The following KCNQ3 variants were observed in gnomAD, a reference collection of about 807,000 sequenced individuals.
KCNQ3 encodes potassium voltage-gated channel subfamily Q member 3.
Under a neutral mutation model 92.5 loss-of-function variants are expected in KCNQ3, and 30 were observed. The observed-to-expected ratio is 0.32, with a 90% CI of 0.24 to 0.44. KCNQ3 has a LOEUF of 0.44. KCNQ3 is among the 20% of genes least tolerant of loss of function. The pLI is 1.00. For missense variants in KCNQ3, 913 were observed against 1,140.3 expected (o/e 0.80, Z 2.87); for synonymous variants, 450 against 468.8 (o/e 0.96, Z 0.52).
intron 1 of KCNQ3, among the ~76,000 whole-genome samples, chr8:132,239,649 T>A (rs1197079706): frequency 6.6e-6 from 1 of 152,194 alleles, no homozygotes; most frequent in Non-Finnish European, 1.5e-5. Flanking sequence ...TCCAGTGAAA[T>A]GTGACATTTA....
At chr8:132,443,247 C>T (rs983807427) in intron 1 of KCNQ3, among the ~76,000 whole-genome samples, 1 of 152,146 alleles carries the variant, frequency 6.6e-6, no homozygotes, top group African/African-American at 2.4e-5. Flanking sequence ...ACACCCCTCC[C>T]CATCCCTTCC....
chr8:132,478,929 G>A (rs1427635795), intron 1 of KCNQ3, among the ~76,000 whole-genome samples: 1 of 151,268 alleles, frequency 6.6e-6, no homozygotes, highest in Admixed American at 6.6e-5. Context: ...GGGTGAATTG[G>A]AGGAGAATAG....
At chr8:132,345,271 C>T (rs1818652249) in intron 1 of KCNQ3, among the ~76,000 whole-genome samples, 1 of 152,212 alleles carries the variant, frequency 6.6e-6, no homozygotes, top group Non-Finnish European at 1.5e-5. Flanking sequence ...CACACCCATC[C>T]TGCCTTCCTT....
intron 1 of KCNQ3, among the ~76,000 whole-genome samples, chr8:132,244,830 C>G (rs1018635812): frequency 1.1e-4 from 16 of 150,366 alleles, no homozygotes; most frequent in Non-Finnish European, 4.4e-5. Context: ...TTACTGGCAG[C>G]TCTGGAGCCT....
At chr8:132,312,709 G>C (rs1202223031) in intron 1 of KCNQ3, among the ~76,000 whole-genome samples, 1 of 152,116 alleles carries the variant, frequency 6.6e-6, no homozygotes, top group Non-Finnish European at 1.5e-5. Flanking sequence ...AGATCTGATG[G>C]TTTTGTAAAT....
At chr8:132,458,003 G>C (rs1223572108) in intron 1 of KCNQ3, among the ~76,000 whole-genome samples, 1 of 152,148 alleles carries the variant, frequency 6.6e-6, no homozygotes, top group Admixed American at 6.5e-5. Context: ...TCCAGACGAT[G>C]AGGTCTTTGA....
chr8:132,352,881 C>G (rs1209721132), intron 1 of KCNQ3, among the ~76,000 whole-genome samples: 1 of 152,120 alleles, frequency 6.6e-6, no homozygotes, highest in South Asian at 2.1e-4. Flanking sequence ...GCCCTGACCC[C>G]AGTTCCACAC....
rs1563775830 is a variant in KCNQ3, at chr8:132,154,192, A to ATTTTTTTTTTTTTTTT, written c.1262+9275_1262+9276insAAAAAAAAAAAAAAAA. Among the ~76,000 whole-genome samples the ATTTTTTTTTTTTTTTT allele has an allele frequency of 3.3e-3, 346 of 104,438 alleles. 11 individuals carry two copies. The highest frequency in any genetic ancestry group is 7.5e-3 in the African/African-American group (227 of 30,302). 68.5% of individuals were successfully genotyped at this position (104,438 alleles called of 152,430 possible). A position where few individuals can be genotyped will look rare whatever the true frequency, so the allele number is the denominator to read the frequency against. On this transcript the variant is annotated intron_variant, in intron 9 of 14. Coordinates refer to ENST00000388996, the MANE Select transcript of KCNQ3 (RefSeq NM_004519.4). ...CCTGATGTACCATCAAAAGGGTAAA[A>ATTTTTTTTTTTTTTTT]GTTTTTTTTTTTTTTTTTTTTTTTT...
chr8:132,130,334 C>T (rs1339053696), intron 14 of KCNQ3, among the ~76,000 whole-genome samples: 2 of 152,110 alleles, frequency 1.3e-5, no homozygotes, highest in African/African-American at 4.8e-5. Context: ...GCCTTGGCCT[C>T]CCAAAATGCT....
At chr8:132,399,972 A>G (rs1053032990) in intron 1 of KCNQ3, among the ~76,000 whole-genome samples, 1 of 152,190 alleles carries the variant, frequency 6.6e-6, no homozygotes. Flanking sequence ...CTGGCTCCCA[A>G]TCCTGGACAA....
At chr8:132,309,487 A>G (rs567619982) in intron 1 of KCNQ3, among the ~76,000 whole-genome samples, 1 of 152,264 alleles carries the variant, frequency 6.6e-6, no homozygotes, top group South Asian at 2.1e-4. Context: ...ACTGGAAGAT[A>G]TATGTGAGCT....
intron 1 of KCNQ3, among the ~76,000 whole-genome samples, chr8:132,446,226 C>A (rs1014621849): frequency 1.3e-5 from 2 of 152,166 alleles, no homozygotes; most frequent in Non-Finnish European, 2.9e-5. Context: ...GATCCACCAA[C>A]CTTAAGCTAC....
intron 1 of KCNQ3, among the ~76,000 whole-genome samples, chr8:132,255,362 A>T (rs1203144817): frequency 1.3e-5 from 2 of 152,218 alleles, no homozygotes; most frequent in Admixed American, 1.3e-4. Context: ...TGTTGAAAAC[A>T]AGCAGTGGCA....
intron 1 of KCNQ3, among the ~76,000 whole-genome samples, chr8:132,361,237 G>C (rs1819160386): frequency 6.6e-6 from 1 of 152,134 alleles, no homozygotes; most frequent in South Asian, 2.1e-4. Context: ...TTGTTTATAA[G>C]TGGAGCTGCA....
At chr8:132,157,690 T>C (rs1225881139) in intron 9 of KCNQ3, among the ~76,000 whole-genome samples, 1 of 152,192 alleles carries the variant, frequency 6.6e-6, no homozygotes, top group Non-Finnish European at 1.5e-5. Context: ...CTTTAAGTTA[T>C]GGGATACATG....
chr8:132,415,624 G>A (rs939713398), intron 1 of KCNQ3, among the ~76,000 whole-genome samples: 14 of 152,186 alleles, frequency 9.2e-5, no homozygotes, highest in Non-Finnish European at 1.5e-4. Context: ...CTCTGACTAC[G>A]AATGTCTCAA....
chr8:132,348,502 C>T (rs1319648566), intron 1 of KCNQ3, among the ~76,000 whole-genome samples: 1 of 152,214 alleles, frequency 6.6e-6, no homozygotes, highest in African/African-American at 2.4e-5. Flanking sequence ...TACATCTGTG[C>T]ACCACTATGG....
intron 1 of KCNQ3, among the ~76,000 whole-genome samples, chr8:132,312,865 G>T (rs550090040): frequency 6.6e-6 from 1 of 152,220 alleles, no homozygotes; most frequent in South Asian, 2.1e-4. Context: ...TCTTTTCTTT[G>T]TAAATTACCT....
chr8:132,163,724 G>C lies in KCNQ3; in HGVS notation c.1236-230C>G, dbSNP rs893391. On this transcript the variant is annotated intron_variant, in intron 8 of 14. Coordinates refer to ENST00000388996, the MANE Select transcript of KCNQ3 (RefSeq NM_004519.4). Reference sequence around the variant, plus strand: ...AGGTTTTCAGGGCTCTTTTCAGCCAGTCATTCATTCATTTATTCATCCAGA... The same window carrying C: ...AGGTTTTCAGGGCTCTTTTCAGCCACTCATTCATTCATTTATTCATCCAGA... 0.95 allele frequency among the ~76,000 whole-genome samples: 144,081 copies of C among 152,190 alleles called. 68,540 individuals are homozygous for C. Among genetic ancestry groups the C allele is most frequent in the African/African-American group, 0.99 (41,258 of 41,562 alleles).
Sources: gnomAD v4.1 joint callset for allele counts (sites outside exome capture counted in the v4.1 genomes callset) on GRCh38, gnomAD v4.1.1 for gene constraint, MANE v1.5 for transcripts, NCBI Gene and HGNC (gene_info 2026-07-23, HGNC 2026-07-21) for gene names.